SORCS1: variants seen among roughly 807,000 people sequenced by gnomAD.
SORCS1 encodes VPS10 domain-containing receptor SorCS1.
A neutral mutation model predicts 146.1 loss-of-function variants in SORCS1; 60 were observed. The observed-to-expected ratio is 0.41, with a 90% confidence interval of 0.33 to 0.51. The LOEUF (loss-of-function observed/expected upper bound fraction) is 0.51, where lower values mean the gene tolerates loss of function less well. Ranked by LOEUF, SORCS1 falls within the 20% of genes least tolerant of loss-of-function variation. The probability of loss-of-function intolerance (pLI) is 0.21; values close to 1 mark genes in which losing one functional copy is unlikely to be tolerated. For missense variants in SORCS1, 1,352 were observed against 1,487.6 expected (o/e 0.91, Z 1.50); for synonymous variants, 637 against 584.0 (o/e 1.09, Z -1.31).
upstream of SORCS1, among the ~76,000 whole-genome samples, chr10:107,165,392 A>G (rs1439886318): frequency 1.3e-5 from 2 of 151,782 alleles, no homozygotes; most frequent in African/African-American, 4.8e-5. The surrounding 1 kb of genome is among the most constrained non-coding windows in gnomAD (Gnocchi z 4.0). Context: ...TAAAGCATTC[A>G]CTGAATTTGA....
chr10:107,038,395 G>A (rs1258262478), intron 1 of SORCS1, among the ~76,000 whole-genome samples: 1 of 149,862 alleles, frequency 6.7e-6, no homozygotes, highest in Admixed American at 6.7e-5. Flanking sequence ...CTGTCGTGGG[G>A]TGGGTGGGGG....
intron 1 of SORCS1, among the ~76,000 whole-genome samples, chr10:107,122,448 A>C (rs1311942571): frequency 6.6e-6 from 1 of 152,204 alleles, no homozygotes; most frequent in Non-Finnish European, 1.5e-5. Context: ...AAAGGTAAGG[A>C]AGAAGCTACT....
intron 1 of SORCS1, among the ~76,000 whole-genome samples, chr10:107,070,828 G>A (rs1962355165): frequency 6.6e-6 from 1 of 151,874 alleles, no homozygotes; most frequent in Non-Finnish European, 1.5e-5. Context: ...CATGTACACA[G>A]ACACACACAT....
intron 18 of SORCS1, among the ~76,000 whole-genome samples, chr10:106,632,857 A>G (rs1659517874): frequency 6.6e-6 from 1 of 152,212 alleles, no homozygotes; most frequent in Non-Finnish European, 1.5e-5. Flanking sequence ...AAAGGAAGTG[A>G]TATCTGAGCT....
chr10:107,051,183 C>G (rs1960074043), intron 1 of SORCS1, among the ~76,000 whole-genome samples: 1 of 152,032 alleles, frequency 6.6e-6, no homozygotes. Flanking sequence ...TAAATAGAAA[C>G]AATAAATGAG....
chr10:107,081,792 C>G (rs2134243081), intron 1 of SORCS1, among the ~76,000 whole-genome samples: 1 of 152,352 alleles, frequency 6.6e-6, no homozygotes. Flanking sequence ...GGCCCTTCCT[C>G]TGGCTATCTC....
chr10:106,774,847 T>A (rs1377904914), intron 4 of SORCS1, among the ~76,000 whole-genome samples: 1 of 152,242 alleles, frequency 6.6e-6, no homozygotes, highest in Non-Finnish European at 1.5e-5. Context: ...GTATCATGCA[T>A]GGCACTTAAA....
At chr10:106,949,357 G>A (rs1000228441) in intron 2 of SORCS1, among the ~76,000 whole-genome samples, 10 of 152,302 alleles carry the variant, frequency 6.6e-5, no homozygotes, top group Non-Finnish European at 1.0e-4. Flanking sequence ...GCCACCCACT[G>A]CTCTTCCCCT....
At chr10:106,898,250 T>C (rs1224250609) in intron 2 of SORCS1, among the ~76,000 whole-genome samples, 1 of 152,240 alleles carries the variant, frequency 6.6e-6, no homozygotes, top group Non-Finnish European at 1.5e-5. Flanking sequence ...TTTAAACCCA[T>C]GCTGATCAGA....
chr10:106,836,366 C>T (rs983684213), intron 2 of SORCS1, among the ~76,000 whole-genome samples: 1 of 149,092 alleles, frequency 6.7e-6, no homozygotes, highest in African/African-American at 2.5e-5. Flanking sequence ...CCCAGCTACT[C>T]GGGAGGCTGA....
At chr10:107,038,458 T>C (rs1388323437) in intron 1 of SORCS1, among the ~76,000 whole-genome samples, 1 of 151,334 alleles carries the variant, frequency 6.6e-6, no homozygotes, top group East Asian at 2.0e-4. Context: ...AGTTAATGGG[T>C]GCAGCACACC....
chr10:106,783,206 C>T (rs1228859456), intron 3 of SORCS1, among the ~76,000 whole-genome samples: 1 of 152,166 alleles, frequency 6.6e-6, no homozygotes, highest in Non-Finnish European at 1.5e-5. Context: ...TATCAGGCTC[C>T]CTGCTAAAGC....
At chr10:106,707,554 G>T (rs1854622773) in intron 7 of SORCS1, among the ~76,000 whole-genome samples, 1 of 152,114 alleles carries the variant, frequency 6.6e-6, no homozygotes, top group South Asian at 2.1e-4. Flanking sequence ...GGGCTAGAGT[G>T]CAGTGGCACA....
At chr10:107,032,818 T>C (rs1037926774) in intron 1 of SORCS1, among the ~76,000 whole-genome samples, 3 of 152,156 alleles carry the variant, frequency 2.0e-5, no homozygotes, top group Non-Finnish European at 2.9e-5. Flanking sequence ...CTCTTCACTC[T>C]GCGCACTTAA....
chr10:107,154,282 C>T lies in SORCS1; in HGVS notation c.558+9687G>A, dbSNP rs529932308. 5.3e-4 allele frequency among the ~76,000 whole-genome samples: 81 copies of T among 152,130 alleles called. 1 individual carries two copies. The highest frequency in any genetic ancestry group is 1.5e-3 in the African/African-American group (64 of 41,530). ...CCTCCCAAAGTGTTGGGATTACAGG[C>T]GTGAGCCACCACGCCTGGCCTCCAG... On this transcript the variant is annotated intron_variant, in intron 1 of 25. Coordinates refer to ENST00000263054, the MANE Select transcript of SORCS1 (RefSeq NM_052918.5).
At chr10:107,133,685 T>C (rs1480045488) in intron 1 of SORCS1, among the ~76,000 whole-genome samples, 2 of 152,196 alleles carry the variant, frequency 1.3e-5, no homozygotes, top group African/African-American at 4.8e-5. Flanking sequence ...TTTCTTCCCT[T>C]GTGTCTGTTT....
intron 1 of SORCS1, among the ~76,000 whole-genome samples, chr10:106,990,655 G>A (rs548667169): frequency 6.3e-4 from 96 of 152,286 alleles, no homozygotes; most frequent in South Asian, 4.6e-3. Context: ...GGGACCAAAC[G>A]TTTGTAATTA....
At chr10:106,588,082 T>C (rs1845353810) in intron 24 of SORCS1, among the ~76,000 whole-genome samples, 1 of 152,198 alleles carries the variant, frequency 6.6e-6, no homozygotes, top group Non-Finnish European at 1.5e-5. Flanking sequence ...TAGATAATAT[T>C]ATTTGTTTAA....
In SORCS1 at chr10:107,164,367, T is replaced by C. The variant is rs1969949257; in HGVS notation, c.160A>G (p.Arg54Gly). 2.0e-6 allele frequency: 3 copies of C among 1,494,278 alleles called. No individual in the cohort carries two copies. Among genetic ancestry groups the C allele is most frequent in the Admixed American group, 2.3e-5 (1 of 44,156 alleles). The allele number at this position is 1,494,278 out of a possible 1,614,324, so 92.6% of individuals were successfully genotyped here. A position where few individuals can be genotyped will look rare whatever the true frequency, so the allele number is the denominator to read the frequency against. Residue 54 changes from arginine to glycine, a missense_variant, in exon 1 of 26, where the codon AGG becomes GGG. Coordinates refer to ENST00000263054, the MANE Select transcript of SORCS1 (RefSeq NM_052918.5). The surrounding 1 kb of genome is among the most constrained non-coding windows in gnomAD (Gnocchi z 6.8). ...SSAPRSASTP[R>G]GFSHQGRPGR... ...GGCCGCCCCTGGTGGGAAAAGCCCC[T>C]AGGGGTCGAGGCCGAGCGTGGAGCG... is the stretch of plus-strand genomic sequence containing the variant.
Sources: gnomAD v4.1 joint callset for allele counts (sites outside exome capture counted in the v4.1 genomes callset) on GRCh38, gnomAD v4.1.1 for gene constraint, Gnocchi (gnomAD v3.1) non-coding constraint, MANE v1.5 for transcripts, NCBI Gene and HGNC (gene_info 2026-07-23, HGNC 2026-07-21) for gene names.